ZNF280C: variants seen among roughly 807,000 people sequenced by gnomAD.
ZNF280C encodes zinc finger protein 280C.
Under a neutral mutation model 53.6 loss-of-function variants are expected in ZNF280C, and 14 were observed. That is an observed-to-expected ratio of 0.26 (90% CI 0.17 to 0.41). The LOEUF (loss-of-function observed/expected upper bound fraction) is 0.41, where lower values mean the gene tolerates loss of function less well. Among genes scored for constraint, ZNF280C ranks in the 10% least tolerant of loss-of-function variants. ZNF280C has a pLI of 1.00. For missense variants in ZNF280C, 416 were observed against 547.1 expected (o/e 0.76, Z 2.39); for synonymous variants, 203 against 181.1 (o/e 1.12, Z -0.97).
intron 2 of ZNF280C, among the ~76,000 whole-genome samples, chrX:130,258,263 T>C (rs2124716369): frequency 8.9e-6 from 1 of 112,530 alleles, no homozygotes; most frequent in South Asian, 3.7e-4. Flanking sequence ...AATGATATCT[T>C]TGTTTTTCAA....
chrX:130,239,803 A>G, intron 5 of ZNF280C, 110 bp from the exon 6 acceptor site: 1 of 414,287 alleles, frequency 2.4e-6, no homozygotes, highest in Admixed American at 3.8e-5. Context: ...ATGGTATAAA[A>G]CACAAAGGTA....
At chrX:130,254,189 C>A (rs1239012816) in intron 2 of ZNF280C, among the ~76,000 whole-genome samples, 4 of 111,837 alleles carry the variant, frequency 3.6e-5, no homozygotes, top group African/African-American at 1.3e-4. Flanking sequence ...TAGAGAAATG[C>A]AAATCAAAAC....
chrX:130,211,179 G>C (rs976935234), intron 15 of ZNF280C, among the ~76,000 whole-genome samples: 1 of 111,892 alleles, frequency 8.9e-6, no homozygotes, highest in African/African-American at 3.2e-5. Flanking sequence ...TGAATACAAC[G>C]AAAGAGCTTC....
At chrX:130,256,478 G>GGAGGCA (rs1277071522) in intron 2 of ZNF280C, among the ~76,000 whole-genome samples, 1 of 111,624 alleles carries the variant, frequency 9.0e-6, no homozygotes, top group Admixed American at 9.5e-5. Flanking sequence ...CAGCTACACG[G>GGAGGCA]GAGGCAGAGG....
intron 2 of ZNF280C, among the ~76,000 whole-genome samples, chrX:130,256,685 G>C (rs759161439): frequency 1.8e-5 from 2 of 110,889 alleles, no homozygotes; most frequent in African/African-American, 3.3e-5. Context: ...TTGAGGTCAG[G>C]AGTGTGAGAC....
chrX:130,262,296 T>C (rs903463204), intron 1 of ZNF280C, among the ~76,000 whole-genome samples: 6 of 112,333 alleles, frequency 5.3e-5, no homozygotes, highest in African/African-American at 1.9e-4. Flanking sequence ...TCAGTCACTC[T>C]AGCCATATTT....
At chrX:130,244,293 C>T (rs1198580715) in intron 3 of ZNF280C, among the ~76,000 whole-genome samples, 3 of 111,540 alleles carry the variant, frequency 2.7e-5, no homozygotes, top group Non-Finnish European at 5.6e-5. Context: ...CTCACAAAAC[C>T]CTCTGGATCG....
chrX:130,228,675 G>T (rs1334228768), intron 10 of ZNF280C, among the ~76,000 whole-genome samples: 5 of 96,157 alleles, frequency 5.2e-5, no homozygotes, highest in Admixed American at 3.5e-4. Context: ...GCCCAGGCTG[G>T]AGTGCAGTGG....
intron 5 of ZNF280C, among the ~76,000 whole-genome samples, chrX:130,240,219 G>A (rs143326811): frequency 3.2e-3 from 354 of 111,418 alleles, no homozygotes; most frequent in African/African-American, 0.011. Flanking sequence ...AATACCCAAT[G>A]ACAAAGAACA....
At position 130,211,622 on chromosome X, in the gene ZNF280C, C is replaced by CG. The variant is rs753648193; in HGVS notation, c.1980-1908dup. Among the ~76,000 whole-genome samples the CG allele has an allele frequency of 2.9e-3, 328 of 111,450 alleles. 3 individuals carry two copies. The highest frequency in any genetic ancestry group is 4.9e-3 in the Non-Finnish European group (261 of 53,082). ...AGTAGGGGAAAAGCAAAGGGACCTA[C>CG]GAGGCCCTCAGAAGAGTAGAAGTGG... On this transcript the variant is annotated intron_variant, in intron 15 of 18. Transcript: ENST00000370978.
intron 8 of ZNF280C, 23 bp downstream of exon 8, chrX:130,236,191 T>C (rs762054220): frequency 1.3e-4 from 144 of 1,067,718 alleles, no homozygotes; most frequent in Admixed American, 1.0e-3. Context: ...TTTTTAACAA[T>C]TGAACTTTGA....
At chrX:130,263,439 G>A (rs1040411009) in intron 1 of ZNF280C, among the ~76,000 whole-genome samples, 2 of 112,238 alleles carry the variant, frequency 1.8e-5, no homozygotes, top group African/African-American at 6.5e-5. Context: ...TATACTAAGT[G>A]AAGGAAGACA....
intron 2 of ZNF280C, among the ~76,000 whole-genome samples, chrX:130,255,373 C>T (rs1485356839): frequency 4.8e-5 from 5 of 104,738 alleles, no homozygotes; most frequent in Non-Finnish European, 9.8e-5. Flanking sequence ...ATCTCCTGAC[C>T]TCGTGATCCG....
chrX:130,266,385 G>A (rs189499263), intron 1 of ZNF280C, among the ~76,000 whole-genome samples: 11 of 111,513 alleles, frequency 9.9e-5, no homozygotes, highest in Middle Eastern at 9.2e-3. Context: ...CCAAGAGTAC[G>A]AAGTTTAATT....
chrX:130,261,619 T>C (rs1471333376), intron 1 of ZNF280C, among the ~76,000 whole-genome samples: 2 of 112,186 alleles, frequency 1.8e-5, no homozygotes, highest in African/African-American at 6.5e-5. Flanking sequence ...GGTCTGACTA[T>C]TCAAATCTCT....
rs759333747 is a variant in ZNF280C, at chrX:130,241,419, C to T, written c.382-1726G>A. ...GATCCCTGAAAGAGACTTAGGGAAC[C>T]GTAAGGGTACACCACTGCTCTAAGG... On this transcript the variant is annotated intron_variant, in intron 5 of 18. Transcript: ENST00000370978. Among the ~76,000 whole-genome samples the T allele has an allele frequency of 2.1e-3, 231 of 111,978 alleles. 1 individual carries two copies. Among genetic ancestry groups the T allele is most frequent in the African/African-American group, 6.7e-3 (207 of 30,858 alleles).
chrX:130,249,294 G>A (rs751878908), intron 2 of ZNF280C, among the ~76,000 whole-genome samples: 13 of 112,079 alleles, frequency 1.2e-4, no homozygotes, highest in Non-Finnish European at 1.9e-4. Flanking sequence ...GAAGCCACTA[G>A]CACCCTGCAG....
chrX:130,235,692 G>A (rs1432750346), intron 8 of ZNF280C, among the ~76,000 whole-genome samples: 3 of 111,948 alleles, frequency 2.7e-5, no homozygotes, highest in African/African-American at 6.5e-5. Context: ...CCATTACCTC[G>A]AGTATTTACC....
At chrX:130,211,651 C>T (rs190429018) in intron 15 of ZNF280C, among the ~76,000 whole-genome samples, 106 of 111,576 alleles carry the variant, frequency 9.5e-4, no homozygotes, top group African/African-American at 3.1e-3. Context: ...GAAGTGGAAG[C>T]TTTCAGTTCT....
Sources: allele counts gnomAD v4.1 joint callset (sites outside exome capture counted in the v4.1 genomes callset), GRCh38; gene constraint gnomAD v4.1.1; transcripts MANE v1.5; gene names NCBI Gene and HGNC (gene_info 2026-07-23, HGNC 2026-07-21).